UTS2: variants seen among roughly 807,000 people sequenced by gnomAD.
UTS2 encodes urotensin 2.
In UTS2, 10 loss-of-function variants were observed where a neutral mutation model predicts 12.6. The observed-to-expected ratio is 0.80, with a 90% CI of 0.49 to 1.35. The LOEUF is 1.35. Among genes scored for constraint, UTS2 ranks in the 40% most tolerant of loss-of-function variants. The pLI is 0.00. For synonymous variants in UTS2, 52 were observed against 50.0 expected (o/e 1.04, Z -0.17); for missense variants, 142 against 143.2 (o/e 0.99, Z 0.04).
chr1:7,896,752 G>C, the UTS2 span, among the ~76,000 whole-genome samples: 1 of 151,446 alleles, frequency 6.6e-6, no homozygotes, highest in Non-Finnish European at 1.5e-5. Context: ...CTGGAGTGCA[G>C]TGGTGCAATC....
intron 3 of UTS2, 106 bp from the exon 4 acceptor site, chr1:7,847,988 C>T: frequency 1.3e-6 from 1 of 797,812 alleles, no homozygotes; most frequent in South Asian, 1.8e-5. Flanking sequence ...CACTGGACTT[C>T]TTAAAAGTAT....
the UTS2 span, among the ~76,000 whole-genome samples, chr1:7,875,138 G>A: frequency 6.6e-6 from 1 of 151,056 alleles, no homozygotes; most frequent in South Asian, 2.1e-4. Context: ...GCAGTGGCGC[G>A]ATCTAGGCTC....
At chr1:7,881,614 G>A in the UTS2 span, among the ~76,000 whole-genome samples, 5 of 152,094 alleles carry the variant, frequency 3.3e-5, no homozygotes, top group African/African-American at 1.2e-4. Flanking sequence ...ACAAAACACT[G>A]ATGAAAGAAA....
the UTS2 span, among the ~76,000 whole-genome samples, chr1:7,862,525 T>C: frequency 6.6e-6 from 1 of 152,092 alleles, no homozygotes; most frequent in East Asian, 1.9e-4. Context: ...TGGCTCACAG[T>C]TCTGCAGCTT....
At chr1:7,848,300 G>A (rs1050786965) in intron 3 of UTS2, among the ~76,000 whole-genome samples, 4 of 151,998 alleles carry the variant, frequency 2.6e-5, no homozygotes, top group African/African-American at 9.7e-5. Context: ...TTAGCTGGGT[G>A]TGGTGGCGGG....
chr1:7,850,860 G>GT lies in UTS2; in HGVS notation c.165dup (p.Leu56ThrfsTer24), dbSNP rs1490105909. 6.2e-7 allele frequency: 1 copy of GT among 1,614,204 alleles called. No individual in the cohort carries two copies. The highest frequency in any genetic ancestry group is 1.1e-5 in the South Asian group (1 of 91,086). Reference sequence around the variant, plus strand: ...CTTTCTGCACCCAGCATCTCTGGCAGTATCTGTAGAAGGGAAGCTCTTTCT... The same window carrying GT: ...CTTTCTGCACCCAGCATCTCTGGCAGTTATCTGTAGAAGGGAAGCTCTTTCT... On this transcript the variant is annotated frameshift_variant, in exon 2 of 4. Transcript: ENST00000361696. LOFTEE classifies it high-confidence loss of function.
At chr1:7,889,024 T>A in the UTS2 span, among the ~76,000 whole-genome samples, 2 of 150,760 alleles carry the variant, frequency 1.3e-5, no homozygotes, top group African/African-American at 2.5e-5. Context: ...GTTAGGGTGC[T>A]CATAAAGGGA....
chr1:7,884,357 A>G, the UTS2 span, among the ~76,000 whole-genome samples: 2 of 146,534 alleles, frequency 1.4e-5, no homozygotes, highest in Admixed American at 1.4e-4. Flanking sequence ...GCTGGAGTGC[A>G]GCGGTGTGAT....
In UTS2 at chr1:7,850,811, C is replaced by G; in HGVS notation, c.214+1G>C. 1 of 1,613,984 alleles carries G rather than the reference C, an allele frequency of 6.2e-7. No homozygotes were observed. The highest frequency in any genetic ancestry group is 8.5e-7 in the Non-Finnish European group (1 of 1,179,878). On this transcript the variant is annotated splice_donor_variant, in intron 2 of 3. Coordinates refer to ENST00000361696, the MANE Select transcript of UTS2 (RefSeq NM_006786.4). LOFTEE classifies it high-confidence loss of function. The stretch of plus-strand genomic sequence containing the variant: ...CGCTATAAACATGAGAAGCATTTTA[C>G]CTGCTTTCCTGAGAATATCCCCTCT...
chr1:7,854,926 C>T (rs1043839751), upstream of UTS2, among the ~76,000 whole-genome samples: 13 of 151,826 alleles, frequency 8.6e-5, no homozygotes, highest in East Asian at 1.9e-4. Context: ...TTTGGGAGGC[C>T]GAGGCAGGTG....
At chr1:7,849,803 A>G in intron 2 of UTS2, 120 bp from the exon 3 acceptor site, 1 of 849,236 alleles carries the variant, frequency 1.2e-6, no homozygotes. Flanking sequence ...TCCACACTGC[A>G]GCAAGCTTTT....
At chr1:7,848,621 G>A (rs2097410359) in intron 3 of UTS2, among the ~76,000 whole-genome samples, 1 of 152,054 alleles carries the variant, frequency 6.6e-6, no homozygotes, top group Admixed American at 6.6e-5. Flanking sequence ...CCAGGTTCAA[G>A]TGATCCTCCT....
chr1:7,859,254 AAATT>A, the UTS2 span, among the ~76,000 whole-genome samples: 1 of 152,178 alleles, frequency 6.6e-6, no homozygotes, highest in African/African-American at 2.4e-5. Flanking sequence ...ATATTAATTA[AAATT>A]AATTAAAATT....
chr1:7,906,491 G>GAAAGAAAGAAAGAA, the UTS2 span, among the ~76,000 whole-genome samples: 249 of 123,416 alleles, frequency 2.0e-3, no homozygotes, highest in African/African-American at 7.3e-3. Context: ...AAGAAAGAAA[G>GAAAGAAAGAAAGAA]AAAGAAAGAA....
the UTS2 span, among the ~76,000 whole-genome samples, chr1:7,903,709 C>T: frequency 6.6e-6 from 1 of 151,978 alleles, no homozygotes; most frequent in Non-Finnish European, 1.5e-5. Context: ...TTTTTAAATT[C>T]CTAAGGAAAT....
the UTS2 span, among the ~76,000 whole-genome samples, chr1:7,866,265 G>A: frequency 6.6e-6 from 1 of 152,202 alleles, no homozygotes; most frequent in Admixed American, 6.5e-5. This position sits in a 1 kb window ranked among gnomAD's most constrained non-coding sequence, Gnocchi z 4.5. Flanking sequence ...CTGAAAGTAG[G>A]CAGGGAGAAA....
chr1:7,901,532 G>A, the UTS2 span, among the ~76,000 whole-genome samples: 1 of 151,842 alleles, frequency 6.6e-6, no homozygotes, highest in African/African-American at 2.4e-5. Flanking sequence ...ACATGTATAT[G>A]CTATATACAT....
chr1:7,880,892 A>C, the UTS2 span, among the ~76,000 whole-genome samples: 2 of 152,170 alleles, frequency 1.3e-5, no homozygotes, highest in Non-Finnish European at 2.9e-5. Flanking sequence ...AGACACTAAA[A>C]TCCTCAACAA....
At chr1:7,902,189 T>C in the UTS2 span, among the ~76,000 whole-genome samples, 1 of 7,286 alleles carries the variant, frequency 1.4e-4, no homozygotes, top group Non-Finnish European at 2.3e-4. Context: ...GGCTCCAGGC[T>C]ATCTCTGCCC....
Sources: gnomAD v4.1 joint callset for allele counts (sites outside exome capture counted in the v4.1 genomes callset) on GRCh38, gnomAD v4.1.1 for gene constraint, Gnocchi (gnomAD v3.1) non-coding constraint, MANE v1.5 for transcripts, NCBI Gene and HGNC (gene_info 2026-07-23, HGNC 2026-07-21) for gene names.